METTL15: variants seen among roughly 807,000 people sequenced by gnomAD.
METTL15 encodes the protein methyltransferase 15, mitochondrial 12S rRNA N4-cytidine, also known as 12S rRNA N(4)-cytidine methyltransferase METTL15.
Under a neutral mutation model 38.3 loss-of-function variants are expected in METTL15, and 34 were observed. The observed-to-expected ratio is 0.89, with a 90% CI of 0.68 to 1.18. METTL15 has a LOEUF of 1.18. Ranked by LOEUF, METTL15 falls within the 50% of genes most tolerant of loss-of-function variation. METTL15 has a pLI of 0.00. For missense variants in METTL15, 438 were observed against 498.4 expected, an observed-to-expected ratio of 0.88 and a Z score of 1.15; for synonymous variants, 162 against 170.9, an observed-to-expected ratio of 0.95 and a Z score of 0.41.
chr11:28,333,942 ATT>A (rs922801054), downstream of METTL15, among the ~76,000 whole-genome samples: 1 of 151,794 alleles, frequency 6.6e-6, no homozygotes, highest in African/African-American at 2.4e-5. Context: ...GGTTTTTAAA[ATT>A]TTTGTTTCTA....
chr11:28,471,209 C>G (rs903107468), intron 6 of METTL15, among the ~76,000 whole-genome samples: 7 of 152,110 alleles, frequency 4.6e-5, no homozygotes, highest in African/African-American at 1.4e-4. Context: ...AGTAAGCATA[C>G]TAGCAACCAA....
At chr11:28,334,117 G>GTA (rs1205269117), downstream of METTL15, among the ~76,000 whole-genome samples, 1 of 151,796 alleles carries the variant, frequency 6.6e-6, no homozygotes, top group Non-Finnish European at 1.5e-5. Context: ...GTACTCAAGC[G>GTA]TATATTAGAA....
intron 5 of METTL15, among the ~76,000 whole-genome samples, chr11:28,389,538 A>G (rs1302522563): frequency 1.3e-5 from 2 of 151,876 alleles, no homozygotes; most frequent in Middle Eastern, 3.2e-3. Flanking sequence ...AATTTCATCC[A>G]TGTCCCTACA....
At chr11:28,481,818 CT>C (rs1851397725) in intron 6 of METTL15, among the ~76,000 whole-genome samples, 1 of 152,160 alleles carries the variant, frequency 6.6e-6, no homozygotes, top group South Asian at 2.1e-4. Flanking sequence ...TCAAATACCA[CT>C]TTGGGAAGCA....
At chr11:28,266,910 A>C (rs1855444117) in intron 4 of METTL15, among the ~76,000 whole-genome samples, 1 of 152,196 alleles carries the variant, frequency 6.6e-6, no homozygotes, top group Admixed American at 6.5e-5. Context: ...CTATAATCCC[A>C]GCACTTTGGG....
Position 28,296,758 on chromosome 11 carries a change from C to T in METTL15, c.605C>T (p.Pro202Leu), listed in dbSNP as rs1187788989. Residue 202 changes from proline (P) to leucine (L), a missense_variant, in exon 6 of 7, where the codon CCT (proline) becomes CTT (leucine). Transcript: ENST00000407364. Reference sequence around the variant, plus strand: ...TTGGCTCTTCTTGTGCGTAGGTACCCTGACATGCCCACTGCTGCTGATGTT... The same window carrying T: ...TTGGCTCTTCTTGTGCGTAGGTACCTTGACATGCCCACTGCTGCTGATGTT... The part of the protein sequence containing the change: ...LDMRMDGGRY[P>L]DMPTAADVVN... The T allele has an allele frequency of 6.2e-7, 1 of 1,612,934 alleles. No homozygotes were observed. Among genetic ancestry groups the T allele is most frequent in the Admixed American group, 1.7e-5 (1 of 59,886 alleles).
intron 6 of METTL15, among the ~76,000 whole-genome samples, chr11:28,450,970 G>T (rs1851115467): frequency 6.6e-6 from 1 of 152,172 alleles, no homozygotes; most frequent in South Asian, 2.1e-4. Flanking sequence ...GGCTCAAACA[G>T]GTTAAGCGAC....
At chr11:28,527,080 A>G (rs557689455), downstream of METTL15, 3 of 152,304 alleles carry the variant, frequency 2.0e-5, no homozygotes, top group South Asian at 4.1e-4. Context: ...CTGAGAAGAC[A>G]TTTTCACTTG....
At chr11:28,444,850 T>G (rs1198400299) in intron 6 of METTL15, among the ~76,000 whole-genome samples, 1 of 152,202 alleles carries the variant, frequency 6.6e-6, no homozygotes, top group Non-Finnish European at 1.5e-5. Flanking sequence ...TCCTGTGGCT[T>G]TCTGAACTCC....
intron 4 of METTL15, among the ~76,000 whole-genome samples, chr11:28,231,805 C>T (rs1310202589): frequency 6.6e-6 from 1 of 151,862 alleles, no homozygotes; most frequent in African/African-American, 2.4e-5. Flanking sequence ...CTCTTCTGTT[C>T]CTCAGCACAC....
chr11:28,516,832 G>C (rs1041972101), intron 6 of METTL15: 1 of 152,182 alleles, frequency 6.6e-6, no homozygotes, highest in Admixed American at 6.5e-5. Context: ...GGGTTGCCCA[G>C]GGAGATAGAA....
At chr11:28,491,697 T>C (rs1851496269) in intron 6 of METTL15, among the ~76,000 whole-genome samples, 1 of 152,080 alleles carries the variant, frequency 6.6e-6, no homozygotes, top group Non-Finnish European at 1.5e-5. Flanking sequence ...CCAGAAAACC[T>C]CCTCTGGAAA....
At chr11:28,345,200 T>TA (rs1434887579) in intron 3 of METTL15, among the ~76,000 whole-genome samples, 1 of 152,224 alleles carries the variant, frequency 6.6e-6, no homozygotes, top group Non-Finnish European at 1.5e-5. Context: ...TTGTCGTTGT[T>TA]ATCATTGAGA....
intron 6 of METTL15, among the ~76,000 whole-genome samples, chr11:28,520,213 C>A (rs1167214598): frequency 3.3e-5 from 5 of 152,012 alleles, no homozygotes; most frequent in African/African-American, 1.2e-4. Context: ...TGGTGCATAC[C>A]TGTATTCCCA....
chr11:28,453,606 C>T (rs1299278370), intron 6 of METTL15, among the ~76,000 whole-genome samples: 1 of 152,140 alleles, frequency 6.6e-6, no homozygotes, highest in East Asian at 1.9e-4. Context: ...GCCTTTCTAC[C>T]ATGTATTTCT....
chr11:28,208,698 T>G (rs1852481612), intron 3 of METTL15, among the ~76,000 whole-genome samples: 1 of 152,142 alleles, frequency 6.6e-6, no homozygotes, highest in South Asian at 2.1e-4. Context: ...CTGTCTAATG[T>G]TGACTGTGGG....
chr11:28,224,694 C>G (rs1853399160), intron 4 of METTL15, among the ~76,000 whole-genome samples: 1 of 151,586 alleles, frequency 6.6e-6, no homozygotes, highest in African/African-American at 2.4e-5. Context: ...TTTATTAGAA[C>G]CCTAATTCTT....
chr11:28,269,085 A>G (rs560085081), intron 4 of METTL15, among the ~76,000 whole-genome samples: 4 of 152,234 alleles, frequency 2.6e-5, no homozygotes, highest in Non-Finnish European at 5.9e-5. Flanking sequence ...CTATTTTTAT[A>G]ACTTTATTTA....
At chr11:28,431,789 TTAAAAAAAA>T (rs1349275408) in intron 6 of METTL15, among the ~76,000 whole-genome samples, 14 of 9,952 alleles carry the variant, frequency 1.4e-3, no homozygotes, top group Non-Finnish European at 4.0e-3. Context: ...AAAAATAAAT[TTAAAAAAAA>T]AAAAAAAAAG....
Sources: gnomAD v4.1 joint callset for allele counts (sites outside exome capture counted in the v4.1 genomes callset) on GRCh38, gnomAD v4.1.1 for gene constraint, MANE v1.5 for transcripts, NCBI Gene and HGNC (gene_info 2026-07-23, HGNC 2026-07-21) for gene names.